The following TSPAN5 variants were observed in gnomAD, a reference collection of about 807,000 sequenced individuals.
TSPAN5 encodes tetraspanin-5.
A neutral mutation model predicts 37.1 loss-of-function variants in TSPAN5; 10 were observed. That is an observed-to-expected ratio of 0.27 (90% CI 0.17 to 0.46). The LOEUF (loss-of-function observed/expected upper bound fraction) is 0.46. Ranked by LOEUF, TSPAN5 falls within the 20% of genes least tolerant of loss-of-function variation. The pLI is 1.00. For missense variants in TSPAN5, 195 were observed against 326.6 expected (o/e 0.60, Z 3.11); for synonymous variants, 110 against 118.9 (o/e 0.93, Z 0.48).
At chr4:98,537,778 T>C (rs1390161144) in intron 1 of TSPAN5, among the ~76,000 whole-genome samples, 1 of 152,230 alleles carries the variant, frequency 6.6e-6, no homozygotes, top group East Asian at 1.9e-4. Context: ...AGCTAGGCCA[T>C]GGCTTCCATC....
chr4:98,533,431 C>T (rs1000089283), intron 1 of TSPAN5, among the ~76,000 whole-genome samples: 4 of 150,756 alleles, frequency 2.7e-5, no homozygotes, highest in African/African-American at 7.3e-5. Flanking sequence ...TGTTATGTGT[C>T]CAGGATTTAT....
At chr4:98,623,201 A>G (rs1756521226) in intron 1 of TSPAN5, among the ~76,000 whole-genome samples, 1 of 152,196 alleles carries the variant, frequency 6.6e-6, no homozygotes. Flanking sequence ...TTCAGACTGG[A>G]CATCAAACCT....
chr4:98,548,736 C>T (rs996408925), intron 1 of TSPAN5, among the ~76,000 whole-genome samples: 3 of 152,084 alleles, frequency 2.0e-5, no homozygotes, highest in Non-Finnish European at 4.4e-5. Flanking sequence ...CATGTGTACC[C>T]ATCATTTGGC....
At chr4:98,542,842 T>G (rs1486930015) in intron 1 of TSPAN5, among the ~76,000 whole-genome samples, 1 of 152,048 alleles carries the variant, frequency 6.6e-6, no homozygotes, top group Non-Finnish European at 1.5e-5. Flanking sequence ...CCTCCCGACT[T>G]AGATTACTTT....
At chr4:98,542,205 C>A (rs115291127) in intron 1 of TSPAN5, among the ~76,000 whole-genome samples, 176 of 152,334 alleles carry the variant, frequency 1.2e-3, no homozygotes, top group Non-Finnish European at 2.2e-3. Flanking sequence ...TAAGTGTGAG[C>A]TACCAGTGGT....
rs562156724 is a variant in TSPAN5, at chr4:98,598,085, C to G, written c.81+60061G>C. ...CTCAGACTGCTGTGCTAGCAATCAG[C>G]GAGATTTCGTGGGCGTAGGACCCTC... On this transcript the variant is annotated intron_variant, in intron 1 of 7. Transcript: ENST00000305798. Among the ~76,000 whole-genome samples, 4 of 82,326 alleles carry G rather than the reference C, an allele frequency of 4.9e-5. 1 individual carries two copies. Among genetic ancestry groups the G allele is most frequent in the Non-Finnish European group, 8.5e-5 (4 of 47,094 alleles). The allele number at this position is 82,326 out of a possible 152,430, so 54.0% of individuals were successfully genotyped here. A position where few individuals can be genotyped will look rare whatever the true frequency, so the allele number is the denominator to read the frequency against.
At position 98,513,264 on chromosome 4, in the gene TSPAN5, C is replaced by T. The variant is rs139841720; in HGVS notation, c.82-5536G>A. 6.9e-3 allele frequency among the ~76,000 whole-genome samples: 1,044 copies of T among 152,198 alleles called. 6 individuals carry two copies. The highest frequency in any genetic ancestry group is 9.7e-3 in the Non-Finnish European group (660 of 68,004). ...CAGCCCATGCAGGCCTTGTAGCCCACCTTAAGGAATCCAGTCATTCTCCTA... is the reference window on the plus strand; with the variant it reads ...CAGCCCATGCAGGCCTTGTAGCCCATCTTAAGGAATCCAGTCATTCTCCTA... On this transcript the variant is annotated intron_variant, in intron 1 of 7. Coordinates refer to ENST00000305798, the MANE Select transcript of TSPAN5 (RefSeq NM_005723.4).
chr4:98,501,979 T>G (rs774919122), intron 2 of TSPAN5, among the ~76,000 whole-genome samples: 2 of 152,152 alleles, frequency 1.3e-5, no homozygotes, highest in Non-Finnish European at 2.9e-5. Flanking sequence ...GAACAGGGTA[T>G]AACAGCGGAG....
At chr4:98,594,037 C>T (rs1284839837) in intron 1 of TSPAN5, among the ~76,000 whole-genome samples, 1 of 74,742 alleles carries the variant, frequency 1.3e-5, no homozygotes, top group Non-Finnish European at 2.4e-5. Flanking sequence ...GGCAGTATGG[C>T]CATTTTCACA....
In TSPAN5 at chr4:98,533,939, T is replaced by TAAAAAAAAAAAAAAAAAAAAAAA. The variant is rs1194318640; in HGVS notation, c.82-26234_82-26212dup. On this transcript the variant is annotated intron_variant, in intron 1 of 7. Coordinates refer to ENST00000305798, the MANE Select transcript of TSPAN5 (RefSeq NM_005723.4). ...AGTGGTCTATCCATTTTGTTGATCTTAAAAAAAAAAAAAAAAAAAAAAACC... is the reference window on the plus strand; with the variant it reads ...AGTGGTCTATCCATTTTGTTGATCTTAAAAAAAAAAAAAAAAAAAAAAAAAAAAAAAAAAAAAAAAAAAAAACC... Among the ~76,000 whole-genome samples, 40 of 31,152 alleles carry TAAAAAAAAAAAAAAAAAAAAAAA rather than the reference T, an allele frequency of 1.3e-3. 7 individuals carry two copies. The highest frequency in any genetic ancestry group is 1.8e-3 in the Non-Finnish European group (36 of 20,098). 20.4% of individuals were successfully genotyped at this position (31,152 alleles called of 152,430 possible). A position where few individuals can be genotyped will look rare whatever the true frequency, so the allele number is the denominator to read the frequency against.
At chr4:98,565,850 G>A (rs1013952378) in intron 1 of TSPAN5, among the ~76,000 whole-genome samples, 1 of 152,196 alleles carries the variant, frequency 6.6e-6, no homozygotes, top group Admixed American at 6.5e-5. Flanking sequence ...AACAGATGCT[G>A]CTGCAACAAA....
intron 1 of TSPAN5, among the ~76,000 whole-genome samples, chr4:98,630,303 A>T (rs1243228559): frequency 6.6e-6 from 1 of 152,196 alleles, no homozygotes; most frequent in Non-Finnish European, 1.5e-5. Flanking sequence ...AGAAAACAAC[A>T]TGGCACATGT....
intron 1 of TSPAN5, among the ~76,000 whole-genome samples, chr4:98,566,981 C>T (rs980907734): frequency 1.3e-5 from 2 of 152,220 alleles, no homozygotes; most frequent in Admixed American, 6.5e-5. Context: ...GTGCAGGAGA[C>T]GCTGGCATGA....
intron 1 of TSPAN5, among the ~76,000 whole-genome samples, chr4:98,641,859 G>C (rs1756967090): frequency 6.6e-6 from 1 of 152,192 alleles, no homozygotes; most frequent in East Asian, 1.9e-4. Flanking sequence ...GCTCCCAGAA[G>C]AGAAGCTCTG....
intron 1 of TSPAN5, among the ~76,000 whole-genome samples, chr4:98,646,008 C>G (rs1288717929): frequency 1.3e-5 from 2 of 152,218 alleles, no homozygotes. Context: ...ATTTAGCACG[C>G]CCTGGCCTTC....
intron 1 of TSPAN5, among the ~76,000 whole-genome samples, chr4:98,541,889 G>A (rs1754368245): frequency 6.6e-6 from 1 of 152,110 alleles, no homozygotes; most frequent in South Asian, 2.1e-4. Flanking sequence ...GAGATATGGA[G>A]AGTATTTCAG....
At chr4:98,598,292 G>A (rs1211910265) in intron 1 of TSPAN5, among the ~76,000 whole-genome samples, 58 of 140,870 alleles carry the variant, frequency 4.1e-4, no homozygotes, top group African/African-American at 1.2e-3. Flanking sequence ...GCCCTGCTTC[G>A]GCTCGCGCAC....
intron 1 of TSPAN5, among the ~76,000 whole-genome samples, chr4:98,639,943 A>G (rs1295455351): frequency 6.6e-6 from 1 of 152,198 alleles, no homozygotes; most frequent in Non-Finnish European, 1.5e-5. Flanking sequence ...ATGAAAAAGG[A>G]TCAGACAGAA....
At position 98,492,320 on chromosome 4, in the gene TSPAN5, G is replaced by A. The variant is rs549384037; in HGVS notation, c.133-5436C>T. ...ACAGCAGTGAGAAGCAGAAAACCGC[G>A]CTCAAGAAGAAACAAAGAACAAGAG... On this transcript the variant is annotated intron_variant, in intron 2 of 7. Coordinates refer to ENST00000305798, the MANE Select transcript of TSPAN5 (RefSeq NM_005723.4). Among the ~76,000 whole-genome samples, 9 of 152,180 alleles carry A rather than the reference G, an allele frequency of 5.9e-5. No individual in the cohort carries two copies. In the South Asian group the frequency reaches 1.5e-3, roughly 25 times the overall value.
Sources: gnomAD v4.1 joint callset for allele counts (sites outside exome capture counted in the v4.1 genomes callset) on GRCh38, gnomAD v4.1.1 for gene constraint, MANE v1.5 for transcripts, NCBI Gene and HGNC (gene_info 2026-07-23, HGNC 2026-07-21) for gene names.